The following LRRK1 variants were observed in gnomAD, a reference collection of about 807,000 sequenced individuals.
The protein encoded by LRRK1 is leucine-rich repeat serine/threonine-protein kinase 1.
A neutral mutation model predicts 209.1 loss-of-function variants in LRRK1; 113 were observed. The observed-to-expected ratio is 0.54, with a 90% CI of 0.46 to 0.63. The LOEUF is 0.63. LRRK1 is among the 30% of genes least tolerant of loss of function. The probability of loss-of-function intolerance (pLI) is 0.00; values close to 1 mark genes in which losing one functional copy is unlikely to be tolerated. For synonymous variants in LRRK1, 1,144 were observed against 1,099.7 expected (o/e 1.04, Z -0.80); for missense variants, 2,284 against 2,632.2 (o/e 0.87, Z 2.89).
chr15:101,044,937 G>A (rs56759667), intron 20 of LRRK1, among the ~76,000 whole-genome samples: 1 of 152,330 alleles, frequency 6.6e-6, no homozygotes, highest in East Asian at 1.9e-4. Flanking sequence ...CTAGCGAGAG[G>A]TTGGGAATGT....
intron 2 of LRRK1, among the ~76,000 whole-genome samples, chr15:100,937,291 A>G (rs974809695): frequency 2.0e-5 from 3 of 152,146 alleles, no homozygotes; most frequent in Non-Finnish European, 4.4e-5. Flanking sequence ...AGGGAATACA[A>G]TAAAAAGTAC....
At chr15:101,018,743 A>G (rs535800091) in intron 12 of LRRK1, among the ~76,000 whole-genome samples, 1 of 152,364 alleles carries the variant, frequency 6.6e-6, no homozygotes, top group African/African-American at 2.4e-5. Context: ...GTTCTCTGGC[A>G]GAGGTGAATC....
At chr15:101,009,269 T>C (rs1219301366) in intron 7 of LRRK1, among the ~76,000 whole-genome samples, 1 of 152,264 alleles carries the variant, frequency 6.6e-6, no homozygotes, top group Non-Finnish European at 1.5e-5. Context: ...GGCCCAAGTT[T>C]ACACAGCTCA....
At chr15:101,045,590 G>C (rs2035025753) in intron 20 of LRRK1, among the ~76,000 whole-genome samples, 1 of 152,208 alleles carries the variant, frequency 6.6e-6, no homozygotes, top group African/African-American at 2.4e-5. Context: ...CCTTGCAGCT[G>C]TGTTTGTTTT....
chr15:100,984,337 G>A (rs985390027), intron 4 of LRRK1, among the ~76,000 whole-genome samples: 2 of 152,148 alleles, frequency 1.3e-5, no homozygotes, highest in African/African-American at 4.8e-5. Context: ...AAAGTCCATC[G>A]CTTACGTTGC....
At chr15:101,014,768 C>T (rs1000218584) in intron 11 of LRRK1, among the ~76,000 whole-genome samples, 8 of 152,224 alleles carry the variant, frequency 5.3e-5, no homozygotes, top group Non-Finnish European at 7.3e-5. Context: ...TCCTAATGAC[C>T]TCATTTTAAC....
intron 12 of LRRK1, among the ~76,000 whole-genome samples, chr15:101,016,896 ACTTTC>A: frequency 6.6e-6 from 1 of 152,166 alleles, no homozygotes; most frequent in Admixed American, 6.5e-5. Flanking sequence ...CAGAGACAGA[ACTTTC>A]CTAGTTTTTG....
At chr15:101,042,825 G>A (rs568588929) in intron 20 of LRRK1, among the ~76,000 whole-genome samples, 1 of 152,196 alleles carries the variant, frequency 6.6e-6, no homozygotes, top group Non-Finnish European at 1.5e-5. Flanking sequence ...AAAACCAAGT[G>A]TAGTGTTGGC....
intron 26 of LRRK1, among the ~76,000 whole-genome samples, chr15:101,053,801 C>T (rs1033944860): frequency 5.3e-5 from 8 of 152,272 alleles, no homozygotes; most frequent in African/African-American, 1.4e-4. Flanking sequence ...ACTCTGAGAC[C>T]GCAGGGTCAG....
chr15:101,025,882 C>T lies in LRRK1; in HGVS notation c.2233-83C>T, dbSNP rs967305266. 3.2e-5 allele frequency: 47 copies of T among 1,466,636 alleles called. No homozygotes were observed. In the East Asian group the frequency reaches 3.4e-4, roughly 11 times the overall value. The allele number at this position is 1,466,636 out of a possible 1,614,324, so 90.9% of individuals were successfully genotyped here. A position where few individuals can be genotyped will look rare whatever the true frequency, so the allele number is the denominator to read the frequency against. On this transcript the variant is annotated intron_variant, in intron 16 of 33. Coordinates refer to ENST00000388948, the MANE Select transcript of LRRK1 (RefSeq NM_024652.6). ...CAAGGGCCGTGGCATCCAGGGTCAG[C>T]GCACCTGCACAGCTGGGAGCTCTGT... is the stretch of plus-strand genomic sequence containing the variant.
chr15:100,936,886 G>T (rs575679331), intron 2 of LRRK1, among the ~76,000 whole-genome samples: 2 of 152,218 alleles, frequency 1.3e-5, no homozygotes, highest in African/African-American at 4.8e-5. Flanking sequence ...TACTAAAAAT[G>T]TTGGATTAAA....
intron 3 of LRRK1, among the ~76,000 whole-genome samples, chr15:100,979,798 A>G (rs1414787347): frequency 6.6e-6 from 1 of 152,244 alleles, no homozygotes; most frequent in Non-Finnish European, 1.5e-5. Context: ...TGAGGAAGAT[A>G]CACAGATGGC....
chr15:100,952,643 A>G (rs1051199830), intron 2 of LRRK1, among the ~76,000 whole-genome samples: 4 of 152,030 alleles, frequency 2.6e-5, no homozygotes, highest in African/African-American at 9.7e-5. Context: ...GCCCTGGCCC[A>G]CTCTTTCCTC....
chr15:100,920,928 G>T (rs1389014333), intron 1 of LRRK1, among the ~76,000 whole-genome samples: 1 of 152,072 alleles, frequency 6.6e-6, no homozygotes, highest in Non-Finnish European at 1.5e-5. Context: ...AGGCCACACT[G>T]GCTGAGCTTG....
chr15:101,048,122 ATATATACCAAAATCTGAATG>A (rs545072141), intron 21 of LRRK1, among the ~76,000 whole-genome samples: 92 of 151,888 alleles, frequency 6.1e-4, no homozygotes, highest in African/African-American at 2.2e-3. Flanking sequence ...TCCTGGAATA[ATATATACCAAAATCTGAATG>A]ATCTCTCTGC....
intron 2 of LRRK1, among the ~76,000 whole-genome samples, chr15:100,924,965 GCTGGGTTAAAGAA>G (rs1216636950): frequency 1.3e-5 from 2 of 152,066 alleles, no homozygotes. Context: ...ATCACTTCAT[GCTGGGTTAAAGAA>G]CTTTTAAGAA....
chr15:101,043,777 A>G (rs529662100), intron 20 of LRRK1: 2 of 152,426 alleles, frequency 1.3e-5, no homozygotes, highest in South Asian at 4.1e-4. Context: ...TATAATTACC[A>G]TAAGTATGAT....
intron 20 of LRRK1, among the ~76,000 whole-genome samples, chr15:101,040,911 T>A (rs2141115903): frequency 6.6e-6 from 1 of 152,354 alleles, no homozygotes; most frequent in South Asian, 2.1e-4. Context: ...TAAACCTTAA[T>A]TAGCTCAGAG....
intron 2 of LRRK1, among the ~76,000 whole-genome samples, chr15:100,938,310 G>A (rs1246749630): frequency 1.3e-5 from 2 of 151,976 alleles, no homozygotes; most frequent in Non-Finnish European, 2.9e-5. Context: ...TAGTTGACAT[G>A]TAATAATTGT....
Sources: gnomAD v4.1 joint callset for allele counts (sites outside exome capture counted in the v4.1 genomes callset) on GRCh38, gnomAD v4.1.1 for gene constraint, MANE v1.5 for transcripts, NCBI Gene and HGNC (gene_info 2026-07-23, HGNC 2026-07-21) for gene names.